Variants in GHR observed in about 807,000 individuals in gnomAD.
GHR encodes growth hormone receptor.
GHR carries 35 observed loss-of-function variants against 67.1 expected under a neutral mutation model. The ratio of observed to expected loss-of-function variants is 0.52; its 90% CI spans 0.40 to 0.69. GHR has a LOEUF of 0.69. Among genes scored for constraint, GHR ranks in the 30% least tolerant of loss-of-function variants. GHR has a pLI of 0.00. For synonymous variants in GHR, 272 were observed against 269.1 expected (o/e 1.01, Z -0.10); for missense variants, 792 against 764.6 (o/e 1.04, Z -0.42).
intron 1 of GHR, among the ~76,000 whole-genome samples, chr5:42,452,768 A>G (rs948588370): frequency 1.3e-5 from 2 of 151,904 alleles, no homozygotes; most frequent in Non-Finnish European, 2.9e-5. Context: ...TATGATATCT[A>G]TTTCTCTGGA....
chr5:42,647,719 T>C (rs1234624403), intron 3 of GHR: 10 of 438,518 alleles, frequency 2.3e-5, no homozygotes, highest in Non-Finnish European at 4.5e-5. Flanking sequence ...TGAATGAAAT[T>C]ACAAGGAAAT....
intron 3 of GHR, among the ~76,000 whole-genome samples, chr5:42,636,771 A>G (rs2112773104): frequency 6.6e-6 from 1 of 152,342 alleles, no homozygotes; most frequent in Middle Eastern, 3.4e-3. Flanking sequence ...ATTTACAAAA[A>G]GATTTATGGC....
intron 3 of GHR, among the ~76,000 whole-genome samples, chr5:42,687,687 T>A (rs925785598): frequency 4.6e-5 from 7 of 152,234 alleles, no homozygotes; most frequent in African/African-American, 1.4e-4. Flanking sequence ...TTTGGAATCA[T>A]GAGTTTTTAT....
At chr5:42,582,876 A>C (rs1579991817) in intron 2 of GHR, among the ~76,000 whole-genome samples, 1 of 152,074 alleles carries the variant, frequency 6.6e-6, no homozygotes, top group South Asian at 2.1e-4. Context: ...GGAGCTGCTC[A>C]CCCCACCACG....
At chr5:42,680,328 G>C (rs1186389365) in intron 3 of GHR, among the ~76,000 whole-genome samples, 1 of 152,164 alleles carries the variant, frequency 6.6e-6, no homozygotes, top group Non-Finnish European at 1.5e-5. Context: ...TGAGCATGCT[G>C]TAACCATTCT....
chr5:42,579,104 TA>T (rs1230514416), intron 2 of GHR, among the ~76,000 whole-genome samples: 1,574 of 87,430 alleles, frequency 0.018, 24 homozygotes, highest in African/African-American at 0.058. Context: ...GATAGATAGA[TA>T]GATAGATAGA....
intron 2 of GHR, among the ~76,000 whole-genome samples, chr5:42,592,193 C>A (rs971514401): frequency 4.6e-5 from 7 of 152,134 alleles, no homozygotes; most frequent in Admixed American, 4.6e-4. Context: ...CTCTTTGTGC[C>A]GAGCAGGTGC....
chr5:42,495,118 T>C (rs1485210720), intron 1 of GHR, among the ~76,000 whole-genome samples: 1 of 151,902 alleles, frequency 6.6e-6, no homozygotes. Context: ...ATTACATTTA[T>C]AAGGTGTAGA....
chr5:42,435,213 G>A (rs1743273300), intron 1 of GHR, among the ~76,000 whole-genome samples: 1 of 152,096 alleles, frequency 6.6e-6, no homozygotes, highest in Non-Finnish European at 1.5e-5. Flanking sequence ...TCCCTGAAGT[G>A]TTTACTTTGT....
At chr5:42,508,937 G>GA (rs1489218676) in intron 1 of GHR, among the ~76,000 whole-genome samples, 6 of 152,044 alleles carry the variant, frequency 3.9e-5, no homozygotes, top group Non-Finnish European at 8.8e-5. Flanking sequence ...ATTTTTAAAG[G>GA]AAAAGAAAAA....
chr5:42,510,807 C>T (rs1746982926), intron 1 of GHR, among the ~76,000 whole-genome samples: 2 of 152,204 alleles, frequency 1.3e-5, no homozygotes, highest in Admixed American at 1.3e-4. Context: ...CTGCCTTGAG[C>T]AGATAGCTTT....
At chr5:42,703,878 G>A (rs1758049232) in intron 6 of GHR, among the ~76,000 whole-genome samples, 1 of 151,480 alleles carries the variant, frequency 6.6e-6, no homozygotes, top group African/African-American at 2.4e-5. Flanking sequence ...ACTGATTTTT[G>A]TATGTTGACT....
chr5:42,689,747 G>A (rs1007226099), intron 4 of GHR, among the ~76,000 whole-genome samples: 4 of 152,224 alleles, frequency 2.6e-5, no homozygotes, highest in African/African-American at 7.2e-5. Context: ...AAACCTCATA[G>A]GCAAGGGCAA....
intron 6 of GHR, among the ~76,000 whole-genome samples, chr5:42,701,641 A>C (rs1757935183): frequency 1.3e-5 from 2 of 152,124 alleles, no homozygotes; most frequent in South Asian, 2.1e-4. Context: ...TATTTTTTGC[A>C]ATGGAAAAAA....
intron 1 of GHR, among the ~76,000 whole-genome samples, chr5:42,440,790 A>G (rs1240174996): frequency 6.6e-6 from 1 of 152,164 alleles, no homozygotes; most frequent in African/African-American, 2.4e-5. Flanking sequence ...GATTTATAAT[A>G]TATTTGTGAA....
At chr5:42,598,051 T>C (rs1752171325) in intron 2 of GHR, among the ~76,000 whole-genome samples, 1 of 151,806 alleles carries the variant, frequency 6.6e-6, no homozygotes. Context: ...ACCAAAGAAG[T>C]TGGGTCTTTA....
chr5:42,436,649 A>G (rs1200981229), intron 1 of GHR, among the ~76,000 whole-genome samples: 1 of 152,226 alleles, frequency 6.6e-6, no homozygotes, highest in Non-Finnish European at 1.5e-5. Flanking sequence ...ATATTGTGTA[A>G]TAATTTAAAG....
chr5:42,627,299 T>A (rs963036839), intron 2 of GHR, among the ~76,000 whole-genome samples: 1 of 152,220 alleles, frequency 6.6e-6, no homozygotes, highest in Non-Finnish European at 1.5e-5. Context: ...ATGTAGGAAA[T>A]CTTTTTTTAA....
intron 1 of GHR, among the ~76,000 whole-genome samples, chr5:42,434,086 A>C (rs1743218666): frequency 6.6e-6 from 1 of 152,144 alleles, no homozygotes; most frequent in Non-Finnish European, 1.5e-5. Flanking sequence ...ATGTTCCAAG[A>C]GGCCTATTAA....
Sources: allele counts gnomAD v4.1 joint callset (sites outside exome capture counted in the v4.1 genomes callset), GRCh38; gene constraint gnomAD v4.1.1; transcripts MANE v1.5; gene names NCBI Gene and HGNC (gene_info 2026-07-23, HGNC 2026-07-21).